Variants in ANKS1B observed in about 807,000 individuals in gnomAD.
ANKS1B encodes ankyrin repeat and sterile alpha motif domain containing 1B.
Under a neutral mutation model 148.3 loss-of-function variants are expected in ANKS1B, and 36 were observed. The observed-to-expected ratio is 0.24, with a 90% CI of 0.19 to 0.32. The LOEUF is 0.32. Ranked by LOEUF, ANKS1B falls within the 10% of genes least tolerant of loss-of-function variation. The probability of loss-of-function intolerance (pLI) is 1.00; values close to 1 mark genes in which losing one functional copy is unlikely to be tolerated. For missense variants in ANKS1B, 1,157 were observed against 1,542.6 expected, an observed-to-expected ratio of 0.75 and a Z score of 4.19; for synonymous variants, 542 against 560.8, an observed-to-expected ratio of 0.97 and a Z score of 0.47.
intron 22 of ANKS1B, among the ~76,000 whole-genome samples, chr12:98,788,427 AC>A (rs1338842446): frequency 6.6e-6 from 1 of 152,130 alleles, no homozygotes; most frequent in Non-Finnish European, 1.5e-5. Flanking sequence ...CCCCCTCTAG[AC>A]ATCTTTAAAA....
intron 14 of ANKS1B, among the ~76,000 whole-genome samples, chr12:99,213,231 T>C (rs1196329445): frequency 2.6e-5 from 4 of 152,168 alleles, no homozygotes; most frequent in Admixed American, 1.3e-4. Context: ...CACGGCCTGC[T>C]TCTCTCTACC....
intron 3 of ANKS1B, among the ~76,000 whole-genome samples, 179 bp downstream of exon 3, chr12:99,811,976 A>C (rs1015226562): frequency 7.2e-5 from 11 of 152,022 alleles, no homozygotes; most frequent in African/African-American, 2.6e-4. Context: ...CAAATGCCCA[A>C]CTTAGTCCCT....
At chr12:99,635,515 T>C (rs1460654388) in intron 9 of ANKS1B, among the ~76,000 whole-genome samples, 1 of 152,126 alleles carries the variant, frequency 6.6e-6, no homozygotes, top group African/African-American at 2.4e-5. Flanking sequence ...AGATAAATAT[T>C]GTATGATTCC....
intron 12 of ANKS1B, among the ~76,000 whole-genome samples, chr12:99,253,922 A>G (rs1383158512): frequency 6.6e-6 from 1 of 152,224 alleles, no homozygotes; most frequent in Admixed American, 6.5e-5. Flanking sequence ...ACCTAAATCT[A>G]ATTATATAGG....
At chr12:98,866,709 C>T (rs961394945) in intron 17 of ANKS1B, among the ~76,000 whole-genome samples, 3 of 152,230 alleles carry the variant, frequency 2.0e-5, no homozygotes, top group African/African-American at 7.2e-5. Flanking sequence ...TGCTAGAAAG[C>T]ATGGCCTGGT....
intron 15 of ANKS1B, among the ~76,000 whole-genome samples, chr12:99,140,495 C>A (rs140638760): frequency 1.3e-5 from 2 of 152,172 alleles, no homozygotes; most frequent in African/African-American, 2.4e-5. Context: ...GTAATTCTAA[C>A]ATTGTTTGCC....
At chr12:99,061,946 A>T (rs1206477796) in intron 16 of ANKS1B, among the ~76,000 whole-genome samples, 1 of 152,122 alleles carries the variant, frequency 6.6e-6, no homozygotes, top group Non-Finnish European at 1.5e-5. Context: ...ATGCAGGGAA[A>T]CCCCAAGTTT....
At chr12:99,715,359 A>C (rs927895352) in intron 8 of ANKS1B, among the ~76,000 whole-genome samples, 4 of 151,878 alleles carry the variant, frequency 2.6e-5, no homozygotes, top group African/African-American at 4.8e-5. Flanking sequence ...GCTCATCCTG[A>C]CTCAAAAGCT....
At chr12:99,542,377 A>T (rs754383293) in intron 9 of ANKS1B, among the ~76,000 whole-genome samples, 12 of 152,198 alleles carry the variant, frequency 7.9e-5, no homozygotes, top group Non-Finnish European at 1.8e-4. Flanking sequence ...TACACTAAAA[A>T]TTTAAAAACA....
chr12:99,072,531 T>C (rs900251947), intron 16 of ANKS1B, among the ~76,000 whole-genome samples: 6 of 152,138 alleles, frequency 3.9e-5, no homozygotes, highest in African/African-American at 1.4e-4. Flanking sequence ...AGAGTTATTT[T>C]TTGAGCCCCT....
chr12:99,940,275 C>A (rs996654), intron 1 of ANKS1B, among the ~76,000 whole-genome samples: 92,259 of 151,938 alleles, frequency 0.61, 29,196 homozygotes, highest in African/African-American at 0.7. Context: ...TGGCTGACAC[C>A]ACAATGTCCT....
intron 9 of ANKS1B, among the ~76,000 whole-genome samples, chr12:99,623,159 C>A (rs2098074614): frequency 6.6e-6 from 1 of 151,806 alleles, no homozygotes; most frequent in Non-Finnish European, 1.5e-5. Context: ...ACCATATGGT[C>A]ATCTCAATAG....
intron 8 of ANKS1B, among the ~76,000 whole-genome samples, chr12:99,713,403 C>T (rs1258877562): frequency 6.6e-6 from 1 of 152,142 alleles, no homozygotes; most frequent in African/African-American, 2.4e-5. Context: ...AGTCCTAGTT[C>T]CTTTTTGTTT....
At chr12:99,816,463 G>C (rs2069166528) in intron 2 of ANKS1B, among the ~76,000 whole-genome samples, 1 of 151,466 alleles carries the variant, frequency 6.6e-6, no homozygotes, top group Admixed American at 6.6e-5. Flanking sequence ...CTTTTGCTGT[G>C]CAGAAGCTTT....
At chr12:99,001,568 A>G (rs1598295189) in intron 17 of ANKS1B, among the ~76,000 whole-genome samples, 1 of 143,584 alleles carries the variant, frequency 7.0e-6, no homozygotes, top group East Asian at 2.0e-4. Context: ...GAGGTATACT[A>G]TGTGATAATT....
chr12:99,637,473 G>T (rs894222076), intron 9 of ANKS1B, among the ~76,000 whole-genome samples: 1 of 152,146 alleles, frequency 6.6e-6, no homozygotes, highest in African/African-American at 2.4e-5. Context: ...GTGTGTCTGT[G>T]AGGGTGTTGC....
At chr12:99,648,344 G>A in intron 9 of ANKS1B, 6 of 1,614,160 alleles carry the variant, frequency 3.7e-6, no homozygotes, top group Middle Eastern at 1.6e-4. Context: ...AGCAAAAGAG[G>A]AGAAGTGATT....
chr12:98,853,588 A>C (rs2099544528), intron 17 of ANKS1B, among the ~76,000 whole-genome samples: 1 of 152,002 alleles, frequency 6.6e-6, no homozygotes, highest in Non-Finnish European at 1.5e-5. Flanking sequence ...TCTTCTTCCC[A>C]CTCAGTTTTC....
chr12:99,522,005 T>A (rs2153062415), intron 9 of ANKS1B, among the ~76,000 whole-genome samples: 1 of 152,320 alleles, frequency 6.6e-6, no homozygotes, highest in South Asian at 2.1e-4. Flanking sequence ...GGTCCAGAAA[T>A]GCTGTTTGAG....
Sources: allele counts gnomAD v4.1 joint callset (sites outside exome capture counted in the v4.1 genomes callset), GRCh38; gene constraint gnomAD v4.1.1; transcripts MANE v1.5; gene names NCBI Gene and HGNC (gene_info 2026-07-23, HGNC 2026-07-21).